SPTLC3: variants seen among roughly 807,000 people sequenced by gnomAD.
SPTLC3 encodes the protein serine palmitoyltransferase long chain base subunit 3.
In SPTLC3, 36 loss-of-function variants were observed where a neutral mutation model predicts 59.3. The ratio of observed to expected loss-of-function variants is 0.61; its 90% confidence interval spans 0.47 to 0.80. SPTLC3 has a LOEUF of 0.80. SPTLC3 is among the 30% of genes least tolerant of loss of function. The probability of loss-of-function intolerance (pLI) is 0.00; values close to 1 mark genes in which losing one functional copy is unlikely to be tolerated. For missense variants in SPTLC3, 625 were observed against 685.1 expected (o/e 0.91, Z 0.98); for synonymous variants, 257 against 240.8 (o/e 1.07, Z -0.62).
At chr20:13,013,706 T>C (rs1218990599) in intron 1 of SPTLC3, among the ~76,000 whole-genome samples, 1 of 152,214 alleles carries the variant, frequency 6.6e-6, no homozygotes, top group African/African-American at 2.4e-5. Flanking sequence ...TATAAATAGC[T>C]CACAGTATAA....
intron 1 of SPTLC3, among the ~76,000 whole-genome samples, chr20:13,016,994 A>C (rs1461936011): frequency 2.0e-5 from 3 of 152,160 alleles, no homozygotes; most frequent in African/African-American, 4.8e-5. Flanking sequence ...AAAACCAGGT[A>C]TGGAAACCAA....
chr20:13,031,683 C>G (rs1986465772), intron 1 of SPTLC3, among the ~76,000 whole-genome samples: 1 of 152,132 alleles, frequency 6.6e-6, no homozygotes, highest in Non-Finnish European at 1.5e-5. Flanking sequence ...CCCAAGTGAT[C>G]TTTCCCATGC....
chr20:13,035,176 C>T (rs978991354), intron 1 of SPTLC3, among the ~76,000 whole-genome samples: 3 of 152,128 alleles, frequency 2.0e-5, no homozygotes, highest in Non-Finnish European at 4.4e-5. Flanking sequence ...CATTTCCTGT[C>T]TTCTGGCAGA....
chr20:13,138,164 G>A (rs1050843742), intron 9 of SPTLC3, among the ~76,000 whole-genome samples: 1 of 152,110 alleles, frequency 6.6e-6, no homozygotes, highest in African/African-American at 2.4e-5. Flanking sequence ...TTTCTTTCTG[G>A]GTTGATACCT....
At chr20:13,044,398 A>C (rs1187930097) in intron 1 of SPTLC3, among the ~76,000 whole-genome samples, 1 of 152,076 alleles carries the variant, frequency 6.6e-6, no homozygotes, top group Non-Finnish European at 1.5e-5. Flanking sequence ...CACAGCGCCC[A>C]GCTGATACAT....
chr20:13,142,369 T>C (rs2038403879), intron 9 of SPTLC3, among the ~76,000 whole-genome samples: 1 of 152,120 alleles, frequency 6.6e-6, no homozygotes, highest in Non-Finnish European at 1.5e-5. Context: ...GTAATACATA[T>C]GGAATTCCAT....
intron 4 of SPTLC3, among the ~76,000 whole-genome samples, chr20:13,088,647 C>T (rs1048994812): frequency 6.6e-6 from 1 of 151,642 alleles, no homozygotes; most frequent in Non-Finnish European, 1.5e-5. Context: ...AAGATGAAGT[C>T]TCTCTCTGTC....
chr20:13,148,490 A>C (rs1158359025), intron 9 of SPTLC3, among the ~76,000 whole-genome samples: 1 of 152,334 alleles, frequency 6.6e-6, no homozygotes, highest in African/African-American at 2.4e-5. Flanking sequence ...TCGGGAGAGC[A>C]GGTCACCCCC....
rs1434003673 is a variant in SPTLC3, at chr20:13,009,362, A to G, written c.95A>G (p.Asn32Ser). 3 of 1,614,070 alleles carry G rather than the reference A, an allele frequency of 1.9e-6. No individual in the cohort carries two copies. The highest frequency in any genetic ancestry group is 2.2e-5 in the South Asian group (2 of 91,072). ...TCACAAAGCAGAAACTGCACAAAGA[A>G]TGGAATAGTGAAGGAAGCCCAGGTA... ...NGSQSRNCTKNGIVKEAQQNG... is the reference protein window; with the variant it reads ...NGSQSRNCTKSGIVKEAQQNG... Residue 32 changes from asparagine (N) to serine (S), a missense_variant, in exon 1 of 12, where the codon AAT becomes AGT. Coordinates refer to ENST00000399002, the MANE Select transcript of SPTLC3 (RefSeq NM_018327.4).
intron 1 of SPTLC3, among the ~76,000 whole-genome samples, chr20:13,030,434 C>A (rs1171058147): frequency 2.6e-5 from 4 of 152,194 alleles, no homozygotes; most frequent in Non-Finnish European, 5.9e-5. Context: ...CTATTTACCA[C>A]ATCATCTTCC....
intron 8 of SPTLC3, among the ~76,000 whole-genome samples, chr20:13,121,304 G>T (rs1469976954): frequency 6.6e-6 from 1 of 152,136 alleles, no homozygotes; most frequent in Non-Finnish European, 1.5e-5. Flanking sequence ...GACAAATTTG[G>T]GGTGAGCATT....
At chr20:13,132,095 T>C (rs764327060) in intron 9 of SPTLC3, among the ~76,000 whole-genome samples, 3 of 151,714 alleles carry the variant, frequency 2.0e-5, no homozygotes, top group Non-Finnish European at 4.4e-5. Flanking sequence ...CTGCTGAAAA[T>C]CTGCCTTATT....
intron 6 of SPTLC3, among the ~76,000 whole-genome samples, chr20:13,100,813 T>C (rs978969643): frequency 2.6e-5 from 4 of 152,242 alleles, no homozygotes; most frequent in South Asian, 2.1e-4. Flanking sequence ...AGTGATTATA[T>C]GACCTGCCTA....
chr20:13,070,914 C>G (rs1235459513), intron 2 of SPTLC3, among the ~76,000 whole-genome samples: 1 of 152,064 alleles, frequency 6.6e-6, no homozygotes, highest in Non-Finnish European at 1.5e-5. Flanking sequence ...AACCCACTCC[C>G]CTGAGAACTC....
intron 1 of SPTLC3, among the ~76,000 whole-genome samples, chr20:13,020,905 G>T (rs1011084727): frequency 6.6e-6 from 1 of 152,024 alleles, no homozygotes; most frequent in Non-Finnish European, 1.5e-5. Flanking sequence ...TAACTATCAG[G>T]CATACAGTAG....
intron 4 of SPTLC3, among the ~76,000 whole-genome samples, chr20:13,084,743 C>T (rs1988951859): frequency 6.6e-6 from 1 of 152,106 alleles, no homozygotes; most frequent in African/African-American, 2.4e-5. Flanking sequence ...CAGTTGCTTA[C>T]TTTATAGAAT....
intron 7 of SPTLC3, among the ~76,000 whole-genome samples, chr20:13,113,663 C>T (rs1425927528): frequency 6.6e-6 from 1 of 152,146 alleles, no homozygotes; most frequent in African/African-American, 2.4e-5. Context: ...TCTGTGTGGC[C>T]TCCATAGGGT....
intron 8 of SPTLC3, among the ~76,000 whole-genome samples, chr20:13,118,460 C>CAAAAA (rs3041745): frequency 7.8e-6 from 1 of 127,634 alleles, no homozygotes; most frequent in African/African-American, 3.1e-5. Context: ...AAAAAAAAAA[C>CAAAAA]AAAAAAAAAC....
intron 9 of SPTLC3, among the ~76,000 whole-genome samples, chr20:13,131,222 C>T (rs2038113521): frequency 6.6e-6 from 1 of 152,140 alleles, no homozygotes; most frequent in Non-Finnish European, 1.5e-5. Flanking sequence ...TTTGAACTCC[C>T]AGTCTTGATC....
Sources: allele counts gnomAD v4.1 joint callset (sites outside exome capture counted in the v4.1 genomes callset), GRCh38; gene constraint gnomAD v4.1.1; transcripts MANE v1.5; gene names NCBI Gene and HGNC (gene_info 2026-07-23, HGNC 2026-07-21).